PDE7A: variants seen among roughly 807,000 people sequenced by gnomAD.
The protein encoded by PDE7A is high affinity 3',5'-cyclic-AMP phosphodiesterase 7A.
PDE7A carries 39 observed loss-of-function variants against 64.3 expected under a neutral mutation model. That is an observed-to-expected ratio of 0.61 (90% CI 0.47 to 0.79). The LOEUF is 0.79. PDE7A is among the 30% of genes least tolerant of loss of function. The pLI, the probability that PDE7A is intolerant of heterozygous loss-of-function variation, is 0.00. For missense variants in PDE7A, 470 were observed against 582.8 expected, an observed-to-expected ratio of 0.81 and a Z score of 1.99; for synonymous variants, 203 against 206.8, an observed-to-expected ratio of 0.98 and a Z score of 0.16.
intron 2 of PDE7A, among the ~76,000 whole-genome samples, chr8:65,780,345 C>T (rs1295915913): frequency 6.6e-6 from 1 of 152,160 alleles, no homozygotes; most frequent in Admixed American, 6.5e-5. Flanking sequence ...TGTGTAAAAA[C>T]TTAAAATGTT....
intron 1 of PDE7A, among the ~76,000 whole-genome samples, chr8:65,798,047 G>T (rs1159244565): frequency 6.7e-6 from 1 of 149,986 alleles, no homozygotes; most frequent in Non-Finnish European, 1.5e-5. Flanking sequence ...TCAAAACACA[G>T]TGTTAAGATA....
intron 1 of PDE7A, among the ~76,000 whole-genome samples, chr8:65,801,954 T>C (rs1809998018): frequency 6.6e-6 from 1 of 152,230 alleles, no homozygotes; most frequent in South Asian, 2.1e-4. Context: ...TAACACTTTG[T>C]TTAAAATAGA....
At chr8:65,722,073 A>C (rs1806402526) in intron 12 of PDE7A, 1 of 152,182 alleles carries the variant, frequency 6.6e-6, no homozygotes, top group Non-Finnish European at 1.5e-5. Flanking sequence ...TACAAGTATG[A>C]GCTACCGCTC....
At chr8:65,730,548 C>T (rs1482643760) in intron 7 of PDE7A, among the ~76,000 whole-genome samples, 3 of 152,078 alleles carry the variant, frequency 2.0e-5, no homozygotes, top group Admixed American at 2.0e-4. Flanking sequence ...GAAACCATCC[C>T]CCTCCCCATC....
chr8:65,814,745 T>C (rs1487501589), intron 1 of PDE7A, among the ~76,000 whole-genome samples: 2 of 152,062 alleles, frequency 1.3e-5, no homozygotes, highest in African/African-American at 4.8e-5. Context: ...GGCTCATGCC[T>C]ATAATCCCAG....
At chr8:65,729,588 CAG>C (rs956864581) in intron 7 of PDE7A, among the ~76,000 whole-genome samples, 13 of 151,868 alleles carry the variant, frequency 8.6e-5, no homozygotes, top group African/African-American at 2.4e-4. Context: ...TTTTTTGTGA[CAG>C]AGTCTTGCTG....
intron 3 of PDE7A, among the ~76,000 whole-genome samples, chr8:65,749,237 T>C (rs7818909): frequency 0.46 from 69,524 of 152,124 alleles, 17,174 homozygotes; most frequent in Non-Finnish European, 0.56. Flanking sequence ...ACTATCTTTT[T>C]TACCTCTGTA....
chr8:65,798,204 A>ATTT (rs377351893), intron 1 of PDE7A, among the ~76,000 whole-genome samples: 27 of 38,202 alleles, frequency 7.1e-4, no homozygotes, highest in South Asian at 1.6e-3. Context: ...ATATATATAT[A>ATTT]TATTTTTTTT....
intron 3 of PDE7A, among the ~76,000 whole-genome samples, chr8:65,777,925 T>C (rs991071578): frequency 2.6e-5 from 4 of 152,226 alleles, no homozygotes; most frequent in Admixed American, 2.6e-4. Flanking sequence ...TTCCTGAATC[T>C]GTCCCTTAAT....
At chr8:65,788,828 C>A in intron 1 of PDE7A, 1 of 1,232,816 alleles carries the variant, frequency 8.1e-7, no homozygotes, top group Non-Finnish European at 1.2e-6. Context: ...TAATTCCTAT[C>A]AAATATGTAA....
Position 65,820,855 on chromosome 8 carries a change from G to T in PDE7A, c.138+20516C>A, listed in dbSNP as rs562311641. ...TCCACCCGCCTCAGCCTCCCAAAGT[G>T]CTGGGATTACAGGCGTGAGCCACCA... On this transcript the variant is annotated intron_variant, in intron 1 of 12. Coordinates refer to ENST00000401827, the MANE Select transcript of PDE7A (RefSeq NM_001242318.3). Among the ~76,000 whole-genome samples, 194 of 152,298 alleles carry T rather than the reference G, an allele frequency of 1.3e-3. 1 individual carries two copies. The highest frequency in any genetic ancestry group is 2.3e-3 in the Non-Finnish European group (157 of 68,028).
chr8:65,761,394 GAC>G (rs1406457586), intron 3 of PDE7A, among the ~76,000 whole-genome samples: 1 of 152,096 alleles, frequency 6.6e-6, no homozygotes, highest in Non-Finnish European at 1.5e-5. Flanking sequence ...AGCTCACTGT[GAC>G]ATGAGACAAA....
chr8:65,753,474 T>C (rs1418620416), intron 3 of PDE7A, among the ~76,000 whole-genome samples: 3 of 152,138 alleles, frequency 2.0e-5, no homozygotes, highest in Non-Finnish European at 4.4e-5. Context: ...ATGTGGAAAG[T>C]GAAATAATTA....
intron 9 of PDE7A, 113 bp downstream of exon 9, chr8:65,726,762 A>G (rs1296566672): frequency 1.7e-6 from 1 of 589,908 alleles, no homozygotes; most frequent in Non-Finnish European, 3.1e-6. Flanking sequence ...TTTGACAAAC[A>G]CTGAAAACTG....
intron 1 of PDE7A, among the ~76,000 whole-genome samples, chr8:65,810,374 C>G (rs1319867743): frequency 6.6e-6 from 1 of 151,834 alleles, no homozygotes; most frequent in Non-Finnish European, 1.5e-5. Flanking sequence ...GGAGGGATAG[C>G]ATTAGAAGAA....
intron 1 of PDE7A, among the ~76,000 whole-genome samples, chr8:65,794,286 T>G (rs1324130443): frequency 6.6e-6 from 1 of 152,072 alleles, no homozygotes; most frequent in East Asian, 1.9e-4. Context: ...TATCAAAGGC[T>G]CCTCAATGGG....
intron 6 of PDE7A, 61 bp downstream of exon 6, chr8:65,739,441 C>CT: frequency 1.4e-6 from 2 of 1,480,110 alleles, no homozygotes; most frequent in Non-Finnish European, 1.8e-6. Context: ...TGAGATAAAA[C>CT]TTAAACAGGT....
intron 1 of PDE7A, among the ~76,000 whole-genome samples, chr8:65,818,054 CTTTT>C (rs938557407): frequency 1.1e-4 from 17 of 152,174 alleles, no homozygotes; most frequent in African/African-American, 1.9e-4. Context: ...ACCCAGCCAG[CTTTT>C]TTGTTATTTA....
rs149090860 is a variant in PDE7A, at chr8:65,802,158, T to C, written c.139-19315A>G. ...ACAAACACAGAAAGTAGAATAGAGG[T>C]TGCCAGAGGCTGGGGAGAGCAGGGA... On this transcript the variant is annotated intron_variant, in intron 1 of 12. Coordinates refer to ENST00000401827, the MANE Select transcript of PDE7A (RefSeq NM_001242318.3). 8.6e-3 allele frequency among the ~76,000 whole-genome samples: 1,311 copies of C among 152,298 alleles called. 12 individuals carry two copies. The highest frequency in any genetic ancestry group is 0.013 in the Non-Finnish European group (890 of 68,018).
Sources: allele counts gnomAD v4.1 joint callset (sites outside exome capture counted in the v4.1 genomes callset), GRCh38; gene constraint gnomAD v4.1.1; transcripts MANE v1.5; gene names NCBI Gene and HGNC (gene_info 2026-07-23, HGNC 2026-07-21).